Variants in ANXA6 observed in about 807,000 individuals in gnomAD.
The protein encoded by ANXA6 is 67 kDa calelectrin.
Under a neutral mutation model 95.4 loss-of-function variants are expected in ANXA6, and 71 were observed. That is an observed-to-expected ratio of 0.74 (90% confidence interval 0.61 to 0.91). The LOEUF (loss-of-function observed/expected upper bound fraction) is 0.91. Among genes scored for constraint, ANXA6 ranks in the 40% least tolerant of loss-of-function variants. ANXA6 has a pLI of 0.00. For synonymous variants in ANXA6, 289 were observed against 315.9 expected (o/e 0.91, Z 0.90); for missense variants, 830 against 876.4 (o/e 0.95, Z 0.67).
intron 11 of ANXA6, among the ~76,000 whole-genome samples, chr5:151,130,442 C>T (rs752456679): frequency 7.2e-5 from 11 of 151,984 alleles, no homozygotes; most frequent in Admixed American, 1.3e-4. Flanking sequence ...TTTGTAGAGA[C>T]AAGGGTCTTA....
chr5:151,125,149 T>G (rs1765281721), intron 14 of ANXA6, among the ~76,000 whole-genome samples: 1 of 152,030 alleles, frequency 6.6e-6, no homozygotes, highest in East Asian at 1.9e-4. Context: ...TTGAGCCCAT[T>G]GGTTCAAGAT....
chr5:151,103,410 G>A (rs530600856), intron 25 of ANXA6, among the ~76,000 whole-genome samples, 160 bp downstream of exon 25: 5 of 152,136 alleles, frequency 3.3e-5, no homozygotes, highest in African/African-American at 9.6e-5. Flanking sequence ...AATTGATTTC[G>A]GTATAAACAA....
In ANXA6 at chr5:151,128,174, C is replaced by CA. The variant is rs1218604215; in HGVS notation, c.977+6dup. ...GCCCTCCAGCCAGGGGCCAAGAAGC[C>CA]ACTTACTCATCATCTCCCCCAGACA... On this transcript the variant is annotated splice_region_variant and intron_variant, in intron 13 of 25. Coordinates refer to ENST00000354546, the MANE Select transcript of ANXA6 (RefSeq NM_001155.5). 1 of 1,611,502 alleles carries CA rather than the reference C, an allele frequency of 6.2e-7. No individual in the cohort carries two copies. Among genetic ancestry groups the CA allele is most frequent in the Non-Finnish European group, 8.5e-7 (1 of 1,178,816 alleles).
intron 1 of ANXA6, chr5:151,155,437 A>C (rs964354823): frequency 6.6e-6 from 1 of 152,104 alleles, no homozygotes; most frequent in Non-Finnish European, 1.5e-5. Flanking sequence ...CAAGGAACCT[A>C]TAGACAGTCA....
chr5:151,129,895 G>A (rs1765447258), intron 11 of ANXA6, among the ~76,000 whole-genome samples: 1 of 152,126 alleles, frequency 6.6e-6, no homozygotes. Context: ...ATTTTTAGTA[G>A]AGATGGGGTT....
chr5:151,138,467 C>A (rs1765731579), intron 5 of ANXA6, among the ~76,000 whole-genome samples: 2 of 152,150 alleles, frequency 1.3e-5, no homozygotes. Context: ...ACTACAAGCT[C>A]CTGGTAAGGG....
At chr5:151,117,014 G>A (rs1765017941) in intron 20 of ANXA6, 113 bp downstream of exon 20, 2 of 934,702 alleles carry the variant, frequency 2.1e-6, no homozygotes, top group Non-Finnish European at 3.1e-6. Flanking sequence ...AACCAACCAC[G>A]CCCCTGCCAG....
intron 2 of ANXA6, among the ~76,000 whole-genome samples, chr5:151,145,292 G>A (rs1765944929): frequency 6.6e-6 from 1 of 152,248 alleles, no homozygotes; most frequent in Admixed American, 6.5e-5. Flanking sequence ...CCAGCTGAGA[G>A]CTGCCTTGGC....
chr5:151,124,358 T>C lies in ANXA6; in HGVS notation c.1066A>G (p.Thr356Ala). The C allele has an allele frequency of 6.2e-7, 1 of 1,611,156 alleles. No homozygotes were observed. Among genetic ancestry groups the C allele is most frequent in the Non-Finnish European group, 8.5e-7 (1 of 1,178,758 alleles). The part of the protein sequence containing the change: ...SAVARVELKG[T>A]VRPANDFNPD... ...TTGAAGTCATTGGCTGGGCGCACAG[T>C]TCCCTTCAGCTGTGAGAAGCAGAAA... The change falls in exon 15 of 26, where the codon ACT becomes GCT. Residue 356 changes from threonine (T) to alanine (A), a missense_variant. Transcript: ENST00000354546.
chr5:151,103,436 C>T, intron 25 of ANXA6, 134 bp downstream of exon 25: 1 of 758,570 alleles, frequency 1.3e-6, no homozygotes, highest in Non-Finnish European at 2.0e-6. Context: ...TACAGACCCC[C>T]TTTCATTTCA....
At chr5:151,126,570 A>ACC (rs1581997112) in intron 13 of ANXA6, 90 bp from the exon 14 acceptor site, 27 of 924,074 alleles carry the variant, frequency 2.9e-5, no homozygotes, top group Middle Eastern at 2.6e-4. Flanking sequence ...ACACACACAC[A>ACC]CCCCAACACA....
chr5:151,113,138 C>T (rs995113363), intron 20 of ANXA6, among the ~76,000 whole-genome samples: 6 of 152,136 alleles, frequency 3.9e-5, no homozygotes, highest in African/African-American at 7.2e-5. Flanking sequence ...TGATGGCTCA[C>T]GCCTGTAATC....
chr5:151,133,110 C>T lies in ANXA6; in HGVS notation c.624G>A (p.Lys208=), dbSNP rs766575126. Residue 208 remains lysine, a synonymous_variant, in exon 9 of 26, where the codon AAG becomes AAA. Transcript: ENST00000354546. ...QFIYILGNRS[K]QHLRLVFDEY... The stretch of plus-strand genomic sequence containing the variant: ...GGAGCTTACCCAACCGAAGATGCTG[C>T]TTGCTGCGATTTCCCAAGATGTAAA... 4.3e-5 allele frequency: 68 copies of T among 1,596,836 alleles called. No individual in the cohort carries two copies. The highest frequency in any genetic ancestry group is 3.3e-4 in the Middle Eastern group (2 of 6,070).
At chr5:151,142,070 A>G (rs913802227) in intron 2 of ANXA6, among the ~76,000 whole-genome samples, 2 of 152,168 alleles carry the variant, frequency 1.3e-5, no homozygotes, top group Non-Finnish European at 2.9e-5. Context: ...ACACGAAACA[A>G]CTGGGGTCCT....
intron 24 of ANXA6, 120 bp from the exon 25 acceptor site, chr5:151,103,812 T>C: frequency 8.1e-7 from 1 of 1,237,906 alleles, no homozygotes; most frequent in Non-Finnish European, 1.1e-6. Flanking sequence ...AGGGCGGATG[T>C]TCCACCTCTG....
At position 151,101,089 on chromosome 5, in the gene ANXA6, G is replaced by A. The variant is rs1764534550; in HGVS notation, c.*359C>T. Reference sequence around the variant, plus strand: ...CCTGCCACCAACCCCCTCATTCAAAGTACAGACACTACTCATTTTACAGAC... The same window carrying A: ...CCTGCCACCAACCCCCTCATTCAAAATACAGACACTACTCATTTTACAGAC... On this transcript the variant is annotated 3_prime_UTR_variant, in exon 26 of 26. Coordinates refer to ENST00000354546, the MANE Select transcript of ANXA6 (RefSeq NM_001155.5). 4.1e-6 allele frequency: 2 copies of A among 490,732 alleles called. No individual in the cohort carries two copies. The highest frequency in any genetic ancestry group is 1.9e-5 in the African/African-American group (1 of 51,778). 30.4% of individuals were successfully genotyped at this position (490,732 alleles called of 1,614,324 possible). A position where few individuals can be genotyped will look rare whatever the true frequency, so the allele number is the denominator to read the frequency against.
intron 14 of ANXA6, 41 bp from the exon 15 acceptor site, chr5:151,124,408 C>A: frequency 6.4e-7 from 1 of 1,566,988 alleles, no homozygotes; most frequent in Non-Finnish European, 8.7e-7. Flanking sequence ...GTCTGAAGGC[C>A]CCCCTGGGGA....
At position 151,126,482 on chromosome 5, in the gene ANXA6, T is replaced by G. The variant is rs774686190; in HGVS notation, c.978-2A>C. 2 of 1,607,006 alleles carry G rather than the reference T, an allele frequency of 1.2e-6. No individual in the cohort carries two copies. The highest frequency in any genetic ancestry group is 2.2e-5 in the South Asian group (2 of 89,646). ...TCCGGGAAGAACTGGCCAGCAGCAC[T>G]GGAATGGAGGGGTTTAGGGAGAGGA... On this transcript the variant is annotated splice_acceptor_variant, in intron 13 of 25. Coordinates refer to ENST00000354546, the MANE Select transcript of ANXA6 (RefSeq NM_001155.5). LOFTEE classifies it high-confidence loss of function.
intron 18 of ANXA6, among the ~76,000 whole-genome samples, chr5:151,118,349 C>T (rs919853907): frequency 1.8e-4 from 28 of 152,106 alleles, no homozygotes; most frequent in African/African-American, 6.5e-4. Context: ...CAGCCTCGAC[C>T]TCCCTGGGCT....
Sources: allele counts gnomAD v4.1 joint callset (sites outside exome capture counted in the v4.1 genomes callset), GRCh38; gene constraint gnomAD v4.1.1; transcripts MANE v1.5; gene names NCBI Gene and HGNC (gene_info 2026-07-23, HGNC 2026-07-21).